Variants in SLC14A2 observed in about 807,000 individuals in gnomAD.
SLC14A2 encodes the protein urea transporter 2.
SLC14A2 carries 91 observed loss-of-function variants against 104.6 expected under a neutral mutation model. That is an observed-to-expected ratio of 0.87 (90% confidence interval 0.73 to 1.04). The LOEUF is 1.04. Ranked by LOEUF, SLC14A2 falls within the 50% of genes least tolerant of loss-of-function variation. The pLI is 0.00. For synonymous variants in SLC14A2, 476 were observed against 466.4 expected (o/e 1.02, Z -0.27); for missense variants, 1,189 against 1,156.0 (o/e 1.03, Z -0.41).
At chr18:45,546,525 G>A (rs2043972040) in intron 2 of SLC14A2, among the ~76,000 whole-genome samples, 1 of 152,184 alleles carries the variant, frequency 6.6e-6, no homozygotes, top group African/African-American at 2.4e-5. Context: ...TCAGTGATCA[G>A]CATTACTGGA....
At chr18:45,535,786 A>G (rs1183012269) in intron 2 of SLC14A2, among the ~76,000 whole-genome samples, 1 of 152,206 alleles carries the variant, frequency 6.6e-6, no homozygotes, top group Non-Finnish European at 1.5e-5. Flanking sequence ...TAGGAAAAGG[A>G]AAGAAGTGAA....
At chr18:45,369,263 C>A (rs1011555370) in intron 1 of SLC14A2, among the ~76,000 whole-genome samples, 1 of 152,192 alleles carries the variant, frequency 6.6e-6, no homozygotes, top group African/African-American at 2.4e-5. Flanking sequence ...ATCCATCTTT[C>A]TTTTCCCATA....
At chr18:45,630,210 C>T (rs985708705) in intron 4 of SLC14A2, among the ~76,000 whole-genome samples, 3 of 152,178 alleles carry the variant, frequency 2.0e-5, no homozygotes, top group Non-Finnish European at 2.9e-5. Context: ...TTGTTGCTGA[C>T]AGGTCAGTGT....
intron 2 of SLC14A2, among the ~76,000 whole-genome samples, chr18:45,598,423 G>A (rs932253193): frequency 2.6e-5 from 4 of 152,134 alleles, no homozygotes; most frequent in African/African-American, 9.7e-5. Flanking sequence ...AAATTTCTTA[G>A]GTGGGCTACA....
chr18:45,484,409 C>T (rs1458945898), intron 2 of SLC14A2, among the ~76,000 whole-genome samples: 1 of 152,202 alleles, frequency 6.6e-6, no homozygotes. Flanking sequence ...ACTGTGAGTG[C>T]TGTCAGGAAA....
chr18:45,479,689 C>A (rs796928294), intron 1 of SLC14A2, among the ~76,000 whole-genome samples: 5 of 152,144 alleles, frequency 3.3e-5, no homozygotes, highest in African/African-American at 9.7e-5. Flanking sequence ...GAATTTGTTT[C>A]TCTTTGTCTT....
intron 1 of SLC14A2, among the ~76,000 whole-genome samples, chr18:45,290,255 C>T (rs972253804): frequency 1.3e-5 from 2 of 152,098 alleles, no homozygotes; most frequent in African/African-American, 4.8e-5. Context: ...ACACTTGCTT[C>T]CCACCCACCT....
chr18:45,243,759 G>A (rs1183740260), intron 1 of SLC14A2, among the ~76,000 whole-genome samples: 3 of 152,192 alleles, frequency 2.0e-5, no homozygotes, highest in Non-Finnish European at 4.4e-5. Flanking sequence ...GAGACTGGGT[G>A]TCATAGCTGG....
chr18:45,659,631 A>G (rs542639763), intron 10 of SLC14A2, among the ~76,000 whole-genome samples: 1 of 152,342 alleles, frequency 6.6e-6, no homozygotes, highest in African/African-American at 2.4e-5. Context: ...TATCCAAGTA[A>G]CACTAGAAAT....
At chr18:45,283,600 T>C (rs2084784677) in intron 1 of SLC14A2, among the ~76,000 whole-genome samples, 1 of 152,240 alleles carries the variant, frequency 6.6e-6, no homozygotes, top group Non-Finnish European at 1.5e-5. Flanking sequence ...GCTTTAAATG[T>C]TATTAAATCA....
At chr18:45,386,695 C>T (rs1034204970) in intron 1 of SLC14A2, among the ~76,000 whole-genome samples, 1 of 152,206 alleles carries the variant, frequency 6.6e-6, no homozygotes, top group Non-Finnish European at 1.5e-5. Context: ...TGGTTGAGAG[C>T]ATAGACTTTG....
At chr18:45,201,853 G>A in the SLC14A2 span, among the ~76,000 whole-genome samples, 1 of 151,924 alleles carries the variant, frequency 6.6e-6, no homozygotes, top group Non-Finnish European at 1.5e-5. Context: ...TATTTGAAAG[G>A]GGAGACTTTC....
At position 45,667,911 on chromosome 18, in the gene SLC14A2, G is replaced by A; in HGVS notation, c.1796G>A (p.Ser599Asn). Residue 599 changes from serine (S) to asparagine (N), a missense_variant, in exon 14 of 20, where the codon AGC (serine) becomes AAC (asparagine). Coordinates refer to ENST00000255226, the MANE Select transcript of SLC14A2 (RefSeq NM_007163.4). ...SQVMFVNNPLSGILIILGLFI... is the reference protein window; with the variant it reads ...SQVMFVNNPLNGILIILGLFI... ...GTGATGTTTGTGAACAACCCCCTCA[G>A]CGGCATCCTCATCATCCTCGGCCTC... is the stretch of plus-strand genomic sequence containing the variant. 1 of 1,614,134 alleles carries A rather than the reference G, an allele frequency of 6.2e-7. No individual in the cohort carries two copies. The highest frequency in any genetic ancestry group is 8.5e-7 in the Non-Finnish European group (1 of 1,180,016).
chr18:45,495,911 C>T (rs554953281), intron 2 of SLC14A2, among the ~76,000 whole-genome samples: 1 of 152,322 alleles, frequency 6.6e-6, no homozygotes, highest in Non-Finnish European at 1.5e-5. Flanking sequence ...CGCCAACTCC[C>T]AGGTCTGACC....
chr18:45,187,273 C>T, the SLC14A2 span, among the ~76,000 whole-genome samples: 1 of 152,048 alleles, frequency 6.6e-6, no homozygotes, highest in Non-Finnish European at 1.5e-5. Context: ...GGTAGACAGA[C>T]AACCTCAAAA....
chr18:45,324,456 G>T (rs1403435610), intron 1 of SLC14A2, among the ~76,000 whole-genome samples: 1 of 152,082 alleles, frequency 6.6e-6, no homozygotes, highest in Non-Finnish European at 1.5e-5. Context: ...AAGAAGTCAG[G>T]AAAGTTGAAG....
In SLC14A2 at chr18:45,663,858, C is replaced by G; in HGVS notation, c.1425C>G (p.His475Gln). ...EEGSEAVLSK[H>Q]RSVFHIEWSS... ...GCTCGGAGGCTGTGCTCTCCAAGCA[C>G]AGGAGTGTATTTCACATCGAGTGGT... is the stretch of plus-strand genomic sequence containing the variant. Residue 475 changes from histidine (H) to glutamine (Q), a missense_variant, in exon 11 of 20, where the codon CAC (histidine) becomes CAG (glutamine). Transcript: ENST00000255226. 1 of 1,613,494 alleles carries G rather than the reference C, an allele frequency of 6.2e-7. No homozygotes were observed. Among genetic ancestry groups the G allele is most frequent in the Non-Finnish European group, 8.5e-7 (1 of 1,179,916 alleles).
At chr18:45,591,470 G>T (rs2044645434) in intron 2 of SLC14A2, among the ~76,000 whole-genome samples, 1 of 152,150 alleles carries the variant, frequency 6.6e-6, no homozygotes, top group Non-Finnish European at 1.5e-5. Flanking sequence ...AAATAGCTGG[G>T]ATTACAGGTG....
intron 1 of SLC14A2, among the ~76,000 whole-genome samples, chr18:45,622,063 A>G (rs987229967): frequency 6.6e-6 from 1 of 152,186 alleles, no homozygotes; most frequent in Admixed American, 6.5e-5. Flanking sequence ...ACACCCTGTC[A>G]AAGAGGTAGT....
Sources: allele counts gnomAD v4.1 joint callset (sites outside exome capture counted in the v4.1 genomes callset), GRCh38; gene constraint gnomAD v4.1.1; transcripts MANE v1.5; gene names NCBI Gene and HGNC (gene_info 2026-07-23, HGNC 2026-07-21).